Variants in KCNK10 observed in about 807,000 individuals in gnomAD.
The protein encoded by KCNK10 is potassium channel subfamily K member 10.
Under a neutral mutation model 47.7 loss-of-function variants are expected in KCNK10, and 25 were observed. The observed-to-expected ratio is 0.52, with a 90% CI of 0.38 to 0.73. The LOEUF is 0.73. KCNK10 is among the 30% of genes least tolerant of loss of function. The probability of loss-of-function intolerance (pLI) is 0.00; values close to 1 mark genes in which losing one functional copy is unlikely to be tolerated. For missense variants in KCNK10, 563 were observed against 714.5 expected (o/e 0.79, Z 2.42); for synonymous variants, 303 against 285.6 (o/e 1.06, Z -0.61).
intron 4 of KCNK10, among the ~76,000 whole-genome samples, chr14:88,204,103 A>T (rs1213589402): frequency 6.6e-6 from 1 of 152,214 alleles, no homozygotes; most frequent in African/African-American, 2.4e-5. Context: ...TACAGTGACC[A>T]TGTATACTCT....
At chr14:88,254,088 G>C (rs1886876355) in intron 2 of KCNK10, among the ~76,000 whole-genome samples, 1 of 152,166 alleles carries the variant, frequency 6.6e-6, no homozygotes, top group Non-Finnish European at 1.5e-5. Flanking sequence ...CAGCCATGCA[G>C]ATGAAGGCCC....
rs1884630426 is a variant in KCNK10 at position 88,188,070 on chromosome 14, G to A, written c.908C>T (p.Pro303Leu). Residue 303 changes from proline (P) to leucine (L), a missense_variant, in exon 6 of 7, where the codon CCC becomes CTC. Pro to Leu is a moderately conservative substitution (Grantham distance 98). Transcript: ENST00000319231. The part of the protein sequence containing the change: ...AGINYREWYK[P>L]LVWFWILVGL... ...AACAAGGATCCAAAACCACACTAGG[G>A]GCTTATACCACTCCCGATAATTGAT... The A allele has an allele frequency of 2.5e-6, 4 of 1,614,104 alleles. No homozygotes were observed. The highest frequency in any genetic ancestry group is 3.4e-6 in the Non-Finnish European group (4 of 1,180,022).
intron 2 of KCNK10, among the ~76,000 whole-genome samples, chr14:88,256,984 G>T (rs1037536740): frequency 1.3e-5 from 2 of 152,192 alleles, no homozygotes; most frequent in African/African-American, 2.4e-5. Context: ...AAGTGGTATA[G>T]GATTTAACGT....
chr14:88,274,461 T>C (rs1032672969), intron 1 of KCNK10, among the ~76,000 whole-genome samples: 3 of 146,232 alleles, frequency 2.1e-5, no homozygotes, highest in Non-Finnish European at 1.5e-5. Context: ...CTCAGGAGGC[T>C]GAGGCAGGAG....
chr14:88,230,481 G>C (rs1260369459), intron 3 of KCNK10, among the ~76,000 whole-genome samples: 1 of 152,226 alleles, frequency 6.6e-6, no homozygotes, highest in Non-Finnish European at 1.5e-5. Context: ...ACTTGTGCCT[G>C]AGGAGTGCAC....
chr14:88,189,093 G>A (rs2139823935), intron 5 of KCNK10, among the ~76,000 whole-genome samples: 1 of 152,288 alleles, frequency 6.6e-6, no homozygotes, highest in South Asian at 2.1e-4. Context: ...ATTAGGTGAT[G>A]AGTGATTACA....
chr14:88,257,337 C>A (rs1886984154), intron 2 of KCNK10, among the ~76,000 whole-genome samples: 1 of 152,234 alleles, frequency 6.6e-6, no homozygotes, highest in South Asian at 2.1e-4. Flanking sequence ...GCCCAGCTCC[C>A]ACGACCCCCT....
At chr14:88,202,059 C>G (rs777084830) in intron 4 of KCNK10, among the ~76,000 whole-genome samples, 10 of 152,198 alleles carry the variant, frequency 6.6e-5, no homozygotes, top group Non-Finnish European at 1.3e-4. Flanking sequence ...TATGCATGAA[C>G]AGTTTGAACA....
chr14:88,285,302 G>A (rs969617313), intron 1 of KCNK10, among the ~76,000 whole-genome samples: 3 of 152,102 alleles, frequency 2.0e-5, no homozygotes, highest in African/African-American at 7.2e-5. Flanking sequence ...AGTAGAGATG[G>A]GGTTTCGCCA....
At chr14:88,301,011 A>C (rs1333957990) in intron 1 of KCNK10, among the ~76,000 whole-genome samples, 2 of 152,148 alleles carry the variant, frequency 1.3e-5, no homozygotes, top group Admixed American at 1.3e-4. Flanking sequence ...TCTCAACTCT[A>C]CCATTCACCA....
At chr14:88,202,654 CA>C (rs974832422) in intron 4 of KCNK10, among the ~76,000 whole-genome samples, 2 of 152,212 alleles carry the variant, frequency 1.3e-5, no homozygotes, top group African/African-American at 4.8e-5. Flanking sequence ...GGCAGACTTA[CA>C]GAACCACTTT....
At chr14:88,228,440 C>T (rs1886055556) in intron 3 of KCNK10, among the ~76,000 whole-genome samples, 1 of 152,158 alleles carries the variant, frequency 6.6e-6, no homozygotes, top group Non-Finnish European at 1.5e-5. Context: ...ATAGCATTAG[C>T]ACACTTTATA....
intron 1 of KCNK10, among the ~76,000 whole-genome samples, chr14:88,293,856 T>G (rs981509220): frequency 1.3e-5 from 2 of 151,902 alleles, no homozygotes; most frequent in African/African-American, 4.8e-5. Context: ...AAAAATAAAT[T>G]TTTTTAGAGA....
At chr14:88,219,274 C>T (rs1435677429) in intron 4 of KCNK10, among the ~76,000 whole-genome samples, 1 of 152,224 alleles carries the variant, frequency 6.6e-6, no homozygotes, top group East Asian at 1.9e-4. Context: ...TTTTACCATC[C>T]ACTACTATTC....
At position 88,322,723 on chromosome 14, in the gene KCNK10, C is replaced by T. The variant is rs199980596; in HGVS notation, c.52+24G>A. On this transcript the variant is annotated intron_variant, in intron 1 of 6. Coordinates refer to ENST00000319231, the MANE Select transcript of KCNK10 (RefSeq NM_138317.3). This position sits in a 1 kb window ranked among gnomAD's most constrained non-coding sequence, Gnocchi z 4.8. ...GCCGGAGACAGAGGCAGGGCGAGGG[C>T]AGCCAAAAGTAGGAAACACCCACCT... The T allele has an allele frequency of 3.2e-5, 51 of 1,613,922 alleles. No individual in the cohort carries two copies. Among genetic ancestry groups the T allele is most frequent in the Middle Eastern group, 3.3e-4 (2 of 6,080 alleles).
intron 4 of KCNK10, among the ~76,000 whole-genome samples, chr14:88,195,861 G>A (rs1307050734): frequency 2.0e-5 from 3 of 152,152 alleles, no homozygotes; most frequent in Admixed American, 2.0e-4. Flanking sequence ...ACATCCCCCT[G>A]CCACTTACAG....
At chr14:88,306,696 G>C (rs1888209586) in intron 1 of KCNK10, among the ~76,000 whole-genome samples, 1 of 152,052 alleles carries the variant, frequency 6.6e-6, no homozygotes. Flanking sequence ...GAGGGGGCAT[G>C]GGGTAGGAGG....
intron 5 of KCNK10, among the ~76,000 whole-genome samples, chr14:88,191,402 G>T (rs1198994749): frequency 6.6e-6 from 1 of 151,202 alleles, no homozygotes; most frequent in Non-Finnish European, 1.5e-5. Context: ...AGATGATAGA[G>T]TTGTTTGATC....
intron 3 of KCNK10, among the ~76,000 whole-genome samples, chr14:88,232,536 G>C (rs1410438034): frequency 6.6e-6 from 1 of 152,164 alleles, no homozygotes; most frequent in Non-Finnish European, 1.5e-5. Flanking sequence ...ATTGTATTAA[G>C]GGCTTCTTTG....
Sources: gnomAD v4.1 joint callset for allele counts (sites outside exome capture counted in the v4.1 genomes callset) on GRCh38, gnomAD v4.1.1 for gene constraint, Gnocchi (gnomAD v3.1) non-coding constraint, MANE v1.5 for transcripts, NCBI Gene and HGNC (gene_info 2026-07-23, HGNC 2026-07-21) for gene names.